Variants in BTBD9 observed in about 807,000 individuals in gnomAD.
The protein encoded by BTBD9 is BTB/POZ domain-containing protein 9.
BTBD9 carries 49 observed loss-of-function variants against 64.3 expected under a neutral mutation model. That is an observed-to-expected ratio of 0.76 (90% confidence interval 0.61 to 0.97). The LOEUF (loss-of-function observed/expected upper bound fraction) is 0.97, where lower values mean the gene tolerates loss of function less well. Among genes scored for constraint, BTBD9 ranks in the 50% least tolerant of loss-of-function variants. The pLI, the probability that BTBD9 is intolerant of heterozygous loss-of-function variation, is 0.00. For synonymous variants in BTBD9, 260 were observed against 274.7 expected, an observed-to-expected ratio of 0.95 and a Z score of 0.53; for missense variants, 598 against 762.1, an observed-to-expected ratio of 0.78 and a Z score of 2.53.
intron 7 of BTBD9, among the ~76,000 whole-genome samples, chr6:38,303,874 T>TATATATATATAGAC (rs368257334): frequency 4.8e-5 from 4 of 82,650 alleles, no homozygotes; most frequent in Non-Finnish European, 9.4e-5. Flanking sequence ...TATATATATA[T>TATATATATATAGAC]ACACACACAC....
intron 9 of BTBD9, among the ~76,000 whole-genome samples, chr6:38,210,223 G>T (rs1404002713): frequency 1.3e-5 from 2 of 152,150 alleles, no homozygotes; most frequent in Non-Finnish European, 2.9e-5. Context: ...CATCCTGCTA[G>T]CCCGTCATAT....
chr6:38,489,167 A>C (rs544342402), intron 6 of BTBD9, among the ~76,000 whole-genome samples: 1 of 152,216 alleles, frequency 6.6e-6, no homozygotes, highest in South Asian at 2.1e-4. Context: ...AAGTGATGGG[A>C]TTATAGGCGT....
intron 8 of BTBD9, among the ~76,000 whole-genome samples, chr6:38,278,056 G>T (rs1435613052): frequency 1.3e-5 from 2 of 152,162 alleles, no homozygotes; most frequent in Admixed American, 6.6e-5. Context: ...TAAAGCTTTG[G>T]ATTTTCCTAA....
chr6:38,519,940 T>C (rs1773209150), intron 6 of BTBD9, among the ~76,000 whole-genome samples: 1 of 152,136 alleles, frequency 6.6e-6, no homozygotes, highest in Non-Finnish European at 1.5e-5. Context: ...CACTGTAGCA[T>C]CACTTATAAG....
At chr6:38,474,085 T>C (rs939511730) in intron 6 of BTBD9, among the ~76,000 whole-genome samples, 3 of 152,188 alleles carry the variant, frequency 2.0e-5, no homozygotes, top group African/African-American at 7.2e-5. Flanking sequence ...TTTTATCTCA[T>C]ACTTCCATAT....
At position 38,621,820 on chromosome 6, in the gene BTBD9, G is replaced by T. The variant is rs149081132; in HGVS notation, c.-28+17980C>A. On this transcript the variant is annotated intron_variant, in intron 1 of 10. Coordinates refer to ENST00000481247, the MANE Select transcript of BTBD9 (RefSeq NM_001099272.2). ...TGAAGAGAAAAGGCAGAAGGAAACCGTCGGGCAGATGCTGAGGCCAAAATT... is the reference window on the plus strand; with the variant it reads ...TGAAGAGAAAAGGCAGAAGGAAACCTTCGGGCAGATGCTGAGGCCAAAATT... Among the ~76,000 whole-genome samples the T allele has an allele frequency of 3.9e-5, 6 of 152,310 alleles. No homozygotes were observed. The East Asian group carries it at 1.2e-3, about 29-fold the overall frequency.
chr6:38,309,944 T>C (rs768996867), intron 7 of BTBD9, among the ~76,000 whole-genome samples: 10 of 152,164 alleles, frequency 6.6e-5, no homozygotes, highest in Admixed American at 1.3e-4. Flanking sequence ...GTGGCAAGTA[T>C]GCTCCTACAA....
At chr6:38,398,682 T>C (rs558671077) in intron 6 of BTBD9, among the ~76,000 whole-genome samples, 105 of 152,284 alleles carry the variant, frequency 6.9e-4, no homozygotes, top group African/African-American at 2.5e-3. Flanking sequence ...AAGTTAGCTA[T>C]GACAACAAAG....
At chr6:38,393,759 C>A (rs1766539973) in intron 6 of BTBD9, among the ~76,000 whole-genome samples, 1 of 152,074 alleles carries the variant, frequency 6.6e-6, no homozygotes, top group Non-Finnish European at 1.5e-5. Flanking sequence ...CAATATTTGA[C>A]AATAAAAATA....
chr6:38,461,548 CA>C (rs1213968896), intron 6 of BTBD9, among the ~76,000 whole-genome samples: 2 of 152,138 alleles, frequency 1.3e-5, no homozygotes, highest in Non-Finnish European at 2.9e-5. Context: ...AATTAAAACA[CA>C]ATTCGTTTTA....
At chr6:38,298,004 C>T (rs1762226293) in intron 7 of BTBD9, among the ~76,000 whole-genome samples, 1 of 151,822 alleles carries the variant, frequency 6.6e-6, no homozygotes. Flanking sequence ...CCACACCCGG[C>T]TAATTTTTTT....
chr6:38,284,500 A>G lies in BTBD9; in HGVS notation c.1454+3772T>C, dbSNP rs1362973436. On this transcript the variant is annotated intron_variant, in intron 8 of 10. Transcript: ENST00000481247. ...GTTTCTCTGAGTTGTCACCCTGATA[A>G]TAACCTCATGTAGTCCACACTAGAT... is the stretch of plus-strand genomic sequence containing the variant. Among the ~76,000 whole-genome samples the G allele has an allele frequency of 2.0e-5, 3 of 152,122 alleles. No homozygotes were observed. In the East Asian group the frequency reaches 5.8e-4, roughly 29 times the overall value.
At chr6:38,194,031 G>T (rs187100261) in intron 9 of BTBD9, among the ~76,000 whole-genome samples, 18 of 152,032 alleles carry the variant, frequency 1.2e-4, no homozygotes, top group African/African-American at 3.6e-4. Flanking sequence ...TGAAGGTGAC[G>T]CCATCTGACC....
chr6:38,236,380 AC>A (rs2127520989), intron 9 of BTBD9, among the ~76,000 whole-genome samples: 1 of 152,338 alleles, frequency 6.6e-6, no homozygotes, highest in African/African-American at 2.4e-5. Flanking sequence ...CTGGTCTGTG[AC>A]ATCATTTCAA....
chr6:38,549,029 C>A (rs1379277902), intron 6 of BTBD9, among the ~76,000 whole-genome samples: 3 of 152,196 alleles, frequency 2.0e-5, no homozygotes, highest in African/African-American at 7.2e-5. Flanking sequence ...TTCCCCAAAT[C>A]TAGCCTCTCA....
chr6:38,205,148 G>A (rs1283842576), intron 9 of BTBD9, among the ~76,000 whole-genome samples: 1 of 152,118 alleles, frequency 6.6e-6, no homozygotes, highest in African/African-American at 2.4e-5. Context: ...ATGTTCCAGA[G>A]AAAATATGAG....
At chr6:38,539,049 A>G (rs1318697493) in intron 6 of BTBD9, among the ~76,000 whole-genome samples, 1 of 151,968 alleles carries the variant, frequency 6.6e-6, no homozygotes, top group East Asian at 1.9e-4. Flanking sequence ...CAAGTGATTC[A>G]CCGACCTCAG....
At chr6:38,315,321 C>T (rs1762993044) in intron 7 of BTBD9, among the ~76,000 whole-genome samples, 1 of 152,076 alleles carries the variant, frequency 6.6e-6, no homozygotes, top group East Asian at 1.9e-4. Context: ...CTTCTACGAA[C>T]TTTAGATTTG....
intron 7 of BTBD9, among the ~76,000 whole-genome samples, chr6:38,330,892 TA>T (rs1763651038): frequency 6.6e-6 from 1 of 151,474 alleles, no homozygotes; most frequent in Admixed American, 6.6e-5. Flanking sequence ...TTAAATGGAG[TA>T]AAGAGCTAAA....
Sources: gnomAD v4.1 joint callset for allele counts (sites outside exome capture counted in the v4.1 genomes callset) on GRCh38, gnomAD v4.1.1 for gene constraint, MANE v1.5 for transcripts, NCBI Gene and HGNC (gene_info 2026-07-23, HGNC 2026-07-21) for gene names.